SMUG1: variants seen among roughly 807,000 people sequenced by gnomAD.
SMUG1 encodes the protein single-strand-selective monofunctional uracil-DNA glycosylase 1, also known as single-strand selective monofunctional uracil DNA glycosylase.
SMUG1 carries 13 observed loss-of-function variants against 23.9 expected under a neutral mutation model. That is an observed-to-expected ratio of 0.54 (90% CI 0.35 to 0.86). The LOEUF is 0.86. Among genes scored for constraint, SMUG1 ranks in the 40% least tolerant of loss-of-function variants. SMUG1 has a pLI of 0.01. For synonymous variants in SMUG1, 133 were observed against 139.8 expected, an observed-to-expected ratio of 0.95 and a Z score of 0.34; for missense variants, 313 against 339.5, an observed-to-expected ratio of 0.92 and a Z score of 0.61.
downstream of SMUG1, chr12:54,162,007 C>T (rs1223246468): frequency 6.6e-6 from 1 of 152,562 alleles, no homozygotes; most frequent in African/African-American, 2.4e-5. Flanking sequence ...AATCCCACCA[C>T]CGCAGGCTGG....
At chr12:54,161,640 CTT>C (rs966788286), downstream of SMUG1, among the ~76,000 whole-genome samples, 5 of 152,230 alleles carry the variant, frequency 3.3e-5, no homozygotes, top group Admixed American at 3.3e-4. This position sits in a 1 kb window ranked among gnomAD's most constrained non-coding sequence, Gnocchi z 4.2. Context: ...TCATCTCTCC[CTT>C]TCTCTCTCCA....
rs1032921760 is a variant in SMUG1, at chr12:54,181,661, G to A, written c.*435C>T. The A allele has an allele frequency of 1.1e-5, 17 of 1,588,808 alleles. 1 individual carries two copies. The highest frequency in any genetic ancestry group is 4.0e-5 in the African/African-American group (3 of 74,772). On this transcript the variant is annotated 3_prime_UTR_variant, in exon 4 of 4. Transcript: ENST00000682136. ...TTGTCTTGGTCCCTGTGAGGAAAGG[G>A]GTCAGCTAAAGGTAACTGTTCTATA...
At chr12:54,177,899 T>C (rs1031209370), downstream of SMUG1, among the ~76,000 whole-genome samples, 4 of 152,210 alleles carry the variant, frequency 2.6e-5, no homozygotes, top group African/African-American at 9.7e-5. Flanking sequence ...GTGCCTGTTA[T>C]AGACTGAATT....
intron 2 of SMUG1, chr12:54,172,954 G>T (rs891708385): frequency 6.6e-6 from 1 of 152,474 alleles, no homozygotes; most frequent in African/African-American, 2.4e-5. Context: ...GGTGGAGAAA[G>T]GCTGAGGACT....
chr12:54,185,492 ATAAATAAATAAATAAATAAATAAATAAAT>A lies in SMUG1; in HGVS notation c.-19-1562_-19-1534del, dbSNP rs1942195058. On this transcript the variant is annotated intron_variant, in intron 2 of 3. Coordinates refer to ENST00000682136, the MANE Select transcript of SMUG1 (RefSeq NM_001243787.2). ...CAAAAAAAAATAAAATAAAAAATAA[ATAAATAAATAAATAAATAAATAAATAAAT>A]AAATAAATTTGCCGGGCGCAACAGC... 1.4e-4 allele frequency among the ~76,000 whole-genome samples: 12 copies of A among 88,118 alleles called. 2 individuals are homozygous for A. Among genetic ancestry groups the A allele is most frequent in the East Asian group, 3.2e-4 (1 of 3,142 alleles). The allele number at this position is 88,118 out of a possible 152,430, so 57.8% of individuals were successfully genotyped here.
chr12:54,183,176 GC>G (rs1227239069), intron 3 of SMUG1: 2 of 209,528 alleles, frequency 9.5e-6, no homozygotes, highest in Non-Finnish European at 1.9e-5. Flanking sequence ...CTCATCCTGA[GC>G]CCTGAAAGAA....
intron 3 of SMUG1, chr12:54,168,160 C>G (rs1940530804): frequency 6.6e-6 from 1 of 152,234 alleles, no homozygotes; most frequent in South Asian, 2.1e-4. Flanking sequence ...TTCCTGAGAC[C>G]ACTGACCTGG....
downstream of SMUG1, among the ~76,000 whole-genome samples, chr12:54,177,633 G>A (rs2136556473): frequency 6.6e-6 from 1 of 151,936 alleles, no homozygotes; most frequent in Non-Finnish European, 1.5e-5. Flanking sequence ...AGCAACTAAA[G>A]GCTCCATTCT....
intron 3 of SMUG1, among the ~76,000 whole-genome samples, chr12:54,166,414 G>A (rs529548345): frequency 3.3e-5 from 5 of 152,062 alleles, no homozygotes; most frequent in Middle Eastern, 3.4e-3. Context: ...GAAGAAGAAC[G>A]GCCCACATGA....
chr12:54,186,786 C>A (rs1313955703), intron 2 of SMUG1: 1 of 152,256 alleles, frequency 6.6e-6, no homozygotes, highest in African/African-American at 2.4e-5. Context: ...AGAGCCAGGC[C>A]TTGTTCAATC....
chr12:54,170,992 T>C lies in SMUG1; in HGVS notation c.*52+1033A>G, dbSNP rs557693357. On this transcript the variant is annotated intron_variant and NMD_transcript_variant, in intron 3 of 4. Transcript: ENST00000509864. The stretch of plus-strand genomic sequence containing the variant: ...CTGTCATTGGATGCCCTTCACTTTC[T>C]TTCTTTCTTTTTTTTTTTTTTGAGA... Among the ~76,000 whole-genome samples, 34 of 146,600 alleles carry C rather than the reference T, an allele frequency of 2.3e-4. 2 individuals carry two copies. Among genetic ancestry groups the C allele is most frequent in the African/African-American group, 8.2e-4 (31 of 37,612 alleles).
At chr12:54,174,110 G>T (rs1266356620) in intron 2 of SMUG1, among the ~76,000 whole-genome samples, 2 of 152,030 alleles carry the variant, frequency 1.3e-5, no homozygotes, top group Non-Finnish European at 2.9e-5. Context: ...ACCAAACACA[G>T]GAACAAAATG....
At chr12:54,174,481 G>C (rs919060432) in intron 2 of SMUG1, among the ~76,000 whole-genome samples, 4 of 152,188 alleles carry the variant, frequency 2.6e-5, no homozygotes, top group Non-Finnish European at 5.9e-5. Flanking sequence ...GTGTGAAGTT[G>C]GGATTCTCTC....
At chr12:54,166,434 A>T (rs1369835383) in intron 3 of SMUG1, among the ~76,000 whole-genome samples, 1 of 152,092 alleles carries the variant, frequency 6.6e-6, no homozygotes, top group Non-Finnish European at 1.5e-5. Flanking sequence ...AAGTTGTCCC[A>T]GTGCTAGTCC....
chr12:54,165,959 T>C (rs1385213669), intron 3 of SMUG1, among the ~76,000 whole-genome samples: 1 of 152,248 alleles, frequency 6.6e-6, no homozygotes, highest in East Asian at 1.9e-4. Flanking sequence ...AATTTTCTAT[T>C]CACTCTACAA....
intron 1 of SMUG1, among the ~76,000 whole-genome samples, chr12:54,188,301 T>G (rs865884240): frequency 8.6e-6 from 1 of 116,684 alleles, no homozygotes. Context: ...TAATAAATAA[T>G]AATAATAATA....
chr12:54,188,282 TAATAATAATAATA>T (rs1361880676), intron 1 of SMUG1, among the ~76,000 whole-genome samples: 5 of 29,818 alleles, frequency 1.7e-4, no homozygotes, highest in Admixed American at 3.7e-4. Flanking sequence ...ATAATAATAA[TAATAATAATAATA>T]AATAATAATA....
In SMUG1 at chr12:54,182,251, G is replaced by A. The variant is rs763435074; in HGVS notation, c.658C>T (p.Arg220Trp). 7 of 1,611,962 alleles carry A rather than the reference G, an allele frequency of 4.3e-6. No individual in the cohort carries two copies. Among genetic ancestry groups the A allele is most frequent in the East Asian group, 2.2e-5 (1 of 44,818 alleles). Residue 220 changes from arginine (R) to tryptophan (W), a missense_variant, in exon 4 of 4, where the codon CGG (arginine) becomes TGG (tryptophan). Coordinates refer to ENST00000682136, the MANE Select transcript of SMUG1 (RefSeq NM_001243787.2). ...VVGVGRLAEQ[R>W]ARRALAGLMP... ...AGGCCTGCCAGAGCCCGTCGTGCCC[G>A]CTGCTCTGCCAGTCGCCCAACTCCC...
downstream of SMUG1, among the ~76,000 whole-genome samples, chr12:54,177,210 T>C (rs186771061): frequency 3.7e-3 from 565 of 152,304 alleles, 7 homozygotes; most frequent in African/African-American, 0.011. Context: ...CTTGGCTGCA[T>C]ATTGGTAGCA....
Sources: allele counts gnomAD v4.1 joint callset (sites outside exome capture counted in the v4.1 genomes callset), GRCh38; gene constraint gnomAD v4.1.1; non-coding constraint Gnocchi (gnomAD v3.1); transcripts MANE v1.5; gene names NCBI Gene and HGNC (gene_info 2026-07-23, HGNC 2026-07-21).